Variants in BBS5 observed in about 807,000 individuals in gnomAD.
The protein encoded by BBS5 is BBSome complex member BBS5.
BBS5 carries 39 observed loss-of-function variants against 50.2 expected under a neutral mutation model. The observed-to-expected ratio is 0.78, with a 90% CI of 0.60 to 1.01. The LOEUF (loss-of-function observed/expected upper bound fraction) is 1.01, where lower values mean the gene tolerates loss of function less well. Ranked by LOEUF, BBS5 falls within the 50% of genes least tolerant of loss-of-function variation. The pLI, the probability that BBS5 is intolerant of heterozygous loss-of-function variation, is 0.00. For missense variants in BBS5, 356 were observed against 401.5 expected (o/e 0.89, Z 0.97); for synonymous variants, 134 against 133.1 (o/e 1.01, Z -0.05).
chr2:169,489,620 A>G (rs1363605887), intron 5 of BBS5, among the ~76,000 whole-genome samples: 1 of 148,276 alleles, frequency 6.7e-6, no homozygotes, highest in Non-Finnish European at 1.5e-5. Context: ...TTGTTTTTAT[A>G]TTTTTTCTTC....
chr2:169,487,657 T>G, intron 3 of BBS5, 149 bp from the exon 4 acceptor site: 1 of 537,130 alleles, frequency 1.9e-6, no homozygotes, highest in Non-Finnish European at 3.2e-6. Flanking sequence ...TAATTTATAG[T>G]TATTTCTTTA....
chr2:169,493,077 G>A (rs1216699188), intron 6 of BBS5, 68 bp downstream of exon 6: 11 of 1,537,718 alleles, frequency 7.2e-6, no homozygotes, highest in Non-Finnish European at 9.9e-6. Flanking sequence ...ATTCATCATT[G>A]GATTTATATA....
chr2:169,494,725 A>G (rs972684851), intron 7 of BBS5, among the ~76,000 whole-genome samples: 2 of 152,230 alleles, frequency 1.3e-5, no homozygotes, highest in Non-Finnish European at 2.9e-5. Flanking sequence ...TTTGTTTTAT[A>G]TAAACTACTT....
At chr2:169,481,672 C>T (rs944251478) in intron 1 of BBS5, among the ~76,000 whole-genome samples, 2 of 151,518 alleles carry the variant, frequency 1.3e-5, no homozygotes, top group African/African-American at 2.4e-5. Flanking sequence ...CAGCAAGCTG[C>T]TCTTATTTCC....
In BBS5 at chr2:169,504,913, C is replaced by T. The variant is rs1683877128; in HGVS notation, c.*331C>T. ...TGCAAATTCGCCCAGCCAATGGGGA[C>T]GTTGCGGCCCAGTGGGTGGAGGTCC... On this transcript the variant is annotated 3_prime_UTR_variant, in exon 12 of 12. Coordinates refer to ENST00000295240, the MANE Select transcript of BBS5 (RefSeq NM_152384.3). 33 of 1,613,602 alleles carry T rather than the reference C, an allele frequency of 2.0e-5. No individual in the cohort carries two copies. Among genetic ancestry groups the T allele is most frequent in the Non-Finnish European group, 2.7e-5 (32 of 1,179,914 alleles).
chr2:169,479,653 A>AG (rs929518111), intron 1 of BBS5, 41 bp downstream of exon 1: 1 of 1,611,230 alleles, frequency 6.2e-7, no homozygotes, highest in African/African-American at 1.3e-5. Flanking sequence ...AACCCTGTAG[A>AG]GGGCGCCGCC....
At chr2:169,497,466 C>A (rs1157286821) in intron 7 of BBS5, among the ~76,000 whole-genome samples, 161 bp from the exon 8 acceptor site, 1 of 152,024 alleles carries the variant, frequency 6.6e-6, no homozygotes, top group Non-Finnish European at 1.5e-5. Flanking sequence ...AGTCTTGTTT[C>A]TTTTACTTGA....
At chr2:169,504,421 T>C (rs1441734077) in intron 11 of BBS5, 60 bp from the exon 12 acceptor site, 6 of 1,595,790 alleles carry the variant, frequency 3.8e-6, no homozygotes, top group South Asian at 2.2e-5. Context: ...TTTTTTTGTT[T>C]TTTTCCTCTT....
chr2:169,493,873 AAAAT>A, intron 7 of BBS5, 37 bp downstream of exon 7: 1 of 1,384,052 alleles, frequency 7.2e-7, no homozygotes, highest in Non-Finnish European at 1.0e-6. Flanking sequence ...ATTTTAATGT[AAAAT>A]AAATATTTTT....
chr2:169,506,478 C>T lies in BBS5; in HGVS notation c.*1896C>T, dbSNP rs1683931595. The T allele has an allele frequency of 6.7e-6, 1 of 150,052 alleles. No homozygotes were observed. The highest frequency in any genetic ancestry group is 2.5e-5 in the African/African-American group (1 of 40,320). 9.3% of individuals were successfully genotyped at this position (150,052 alleles called of 1,614,324 possible). A position where few individuals can be genotyped will look rare whatever the true frequency, so the allele number is the denominator to read the frequency against. On this transcript the variant is annotated 3_prime_UTR_variant, in exon 12 of 12. Coordinates refer to ENST00000295240, the MANE Select transcript of BBS5 (RefSeq NM_152384.3). ...ACTAAGAAAAATTCTTACCCTAAAA[C>T]TTAAAGTATAATAAAAAAAAAAAAA...
At chr2:169,484,502 AT>A (rs1031485682) in intron 2 of BBS5, among the ~76,000 whole-genome samples, 1 of 152,124 alleles carries the variant, frequency 6.6e-6, no homozygotes, top group Non-Finnish European at 1.5e-5. Context: ...TGGAAGGGGA[AT>A]CCTGCCTTCT....
intron 10 of BBS5, among the ~76,000 whole-genome samples, chr2:169,503,507 A>G (rs1465644637): frequency 6.6e-6 from 1 of 152,070 alleles, no homozygotes; most frequent in Non-Finnish European, 1.5e-5. Flanking sequence ...ATAAAAAAAG[A>G]AAAAAAAGGA....
chr2:169,503,627 TA>T (rs1683848504), intron 10 of BBS5, among the ~76,000 whole-genome samples: 1 of 152,260 alleles, frequency 6.6e-6, no homozygotes, highest in African/African-American at 2.4e-5. Flanking sequence ...TAAATTAATT[TA>T]AAATCTATAC....
chr2:169,503,051 T>C (rs374926761), intron 9 of BBS5, 44 bp from the exon 10 acceptor site: 1 of 1,418,996 alleles, frequency 7.0e-7, no homozygotes, highest in Non-Finnish European at 9.9e-7. Flanking sequence ...TCATGGTACA[T>C]TTAATATTGT....
At chr2:169,488,400 G>T (rs1205852344) in intron 5 of BBS5, among the ~76,000 whole-genome samples, 1 of 152,228 alleles carries the variant, frequency 6.6e-6, no homozygotes, top group Non-Finnish European at 1.5e-5. Context: ...GACAATGACA[G>T]ATCATCAGGC....
intron 2 of BBS5, among the ~76,000 whole-genome samples, chr2:169,484,459 C>T (rs1027793800): frequency 1.3e-5 from 2 of 152,100 alleles, no homozygotes; most frequent in Non-Finnish European, 2.9e-5. Context: ...TACAGGAGTA[C>T]GCAGCGCTTC....
intron 9 of BBS5, among the ~76,000 whole-genome samples, chr2:169,502,068 G>T (rs1683815886): frequency 6.6e-6 from 1 of 151,876 alleles, no homozygotes; most frequent in Admixed American, 6.6e-5. Context: ...CTTCCTTTCA[G>T]AATTAATCAG....
chr2:169,501,395 T>G (rs1326229714), intron 9 of BBS5, among the ~76,000 whole-genome samples: 1 of 152,184 alleles, frequency 6.6e-6, no homozygotes. Flanking sequence ...CATCATTTAT[T>G]TGTGATCCTA....
intron 3 of BBS5, 78 bp from the exon 4 acceptor site, chr2:169,487,728 T>A: frequency 9.7e-7 from 1 of 1,028,432 alleles, no homozygotes; most frequent in Non-Finnish European, 1.5e-6. Context: ...AAGTTCTGTG[T>A]ATACTTTTTT....
Sources: allele counts gnomAD v4.1 joint callset (sites outside exome capture counted in the v4.1 genomes callset), GRCh38; gene constraint gnomAD v4.1.1; transcripts MANE v1.5; gene names NCBI Gene and HGNC (gene_info 2026-07-23, HGNC 2026-07-21).